The following STX6 variants were observed in gnomAD, a reference collection of about 807,000 sequenced individuals.
The protein encoded by STX6 is syntaxin 6, also known as syntaxin-6.
Under a neutral mutation model 38.0 loss-of-function variants are expected in STX6, and 23 were observed. The observed-to-expected ratio is 0.60, with a 90% CI of 0.43 to 0.86. The LOEUF is 0.86. STX6 is among the 40% of genes least tolerant of loss of function. The pLI, the probability that STX6 is intolerant of heterozygous loss-of-function variation, is 0.00. For synonymous variants in STX6, 123 were observed against 107.5 expected (o/e 1.14, Z -0.89); for missense variants, 274 against 312.9 (o/e 0.88, Z 0.94).
chr1:181,015,576 G>A (rs1248102664), intron 1 of STX6, among the ~76,000 whole-genome samples: 1 of 151,610 alleles, frequency 6.6e-6, no homozygotes, highest in Admixed American at 6.6e-5. Flanking sequence ...AGACATATTG[G>A]CTGCTTGCCT....
At chr1:180,990,434 A>C (rs986722014) in intron 4 of STX6, among the ~76,000 whole-genome samples, 1 of 152,162 alleles carries the variant, frequency 6.6e-6, no homozygotes, top group African/African-American at 2.4e-5. Context: ...CTTGTAAAAG[A>C]GCTCTTCCTG....
chr1:181,020,874 A>G (rs1656706040), intron 1 of STX6, among the ~76,000 whole-genome samples: 1 of 152,222 alleles, frequency 6.6e-6, no homozygotes, highest in African/African-American at 2.4e-5. Flanking sequence ...TGTGTAATGC[A>G]TTTTTGATAC....
At chr1:181,007,603 C>A (rs1212316646) in intron 1 of STX6, among the ~76,000 whole-genome samples, 1 of 152,120 alleles carries the variant, frequency 6.6e-6, no homozygotes, top group Non-Finnish European at 1.5e-5. Flanking sequence ...AACCAAGAAG[C>A]CTTGGGCTAG....
At chr1:181,015,862 T>C (rs754931045) in intron 1 of STX6, among the ~76,000 whole-genome samples, 2 of 152,194 alleles carry the variant, frequency 1.3e-5, no homozygotes, top group South Asian at 2.1e-4. Context: ...GGTTTCACCA[T>C]GTTGGCCAGG....
chr1:180,984,966 G>C (rs1655528429), intron 6 of STX6, among the ~76,000 whole-genome samples, 195 bp from the exon 7 acceptor site: 1 of 152,144 alleles, frequency 6.6e-6, no homozygotes, highest in Admixed American at 6.5e-5. Context: ...ATTAAAAAAA[G>C]CCTAAATTAC....
Position 180,984,699 on chromosome 1 carries a change from T to C in STX6, c.669A>G (p.Ala223=). 6.4e-7 allele frequency: 1 copy of C among 1,571,794 alleles called. No individual in the cohort carries two copies. Among genetic ancestry groups the C allele is most frequent in the Non-Finnish European group, 8.8e-7 (1 of 1,141,912 alleles). Residue 223 remains alanine (A), a synonymous_variant, in exon 7 of 8, where the codon GCA becomes GCG. Transcript: ENST00000258301. ...SRLDNVMKKL[A]KVSHMTSDRR... is the part of the protein sequence containing the mutation. Reference sequence around the variant, plus strand: ...TACCACTGGTCATATGAGATACTTTTGCAAGTTTCTTCATCACATTGTCCA... The same window carrying C: ...TACCACTGGTCATATGAGATACTTTCGCAAGTTTCTTCATCACATTGTCCA...
intron 1 of STX6, among the ~76,000 whole-genome samples, chr1:181,018,091 C>T (rs999248263): frequency 2.1e-4 from 32 of 152,020 alleles, no homozygotes; most frequent in Admixed American, 5.2e-4. Context: ...CAGATGAAAA[C>T]GTCATAAAAC....
In STX6 at chr1:180,990,080, G is replaced by A. The variant is rs774925911; in HGVS notation, c.393C>T (p.Asn131=). 1 of 1,614,034 alleles carries A rather than the reference G, an allele frequency of 6.2e-7. No individual in the cohort carries two copies. Among genetic ancestry groups the A allele is most frequent in the African/African-American group, 1.3e-5 (1 of 74,920 alleles). The change falls in exon 5 of 8, where the codon AAC becomes AAT. Residue 131 remains asparagine, a synonymous_variant. Coordinates refer to ENST00000258301, the MANE Select transcript of STX6 (RefSeq NM_005819.6). ...ATTTATCTGTTGTTCCAGTGCTCCA[G>A]TTCTGGCTGCCACTGTCTCCCAGCA... ...QALLGDSGSQ[N]WSTGTTDKYG... is the part of the protein sequence containing the mutation.
chr1:181,021,635 A>T (rs1301100537), intron 1 of STX6, among the ~76,000 whole-genome samples: 2 of 152,256 alleles, frequency 1.3e-5, no homozygotes, highest in African/African-American at 4.8e-5. Context: ...TTGACATTTA[A>T]AACAGAAAAC....
intron 1 of STX6, among the ~76,000 whole-genome samples, chr1:181,013,286 CAAAT>C (rs1357104981): frequency 8.5e-5 from 13 of 152,122 alleles, no homozygotes; most frequent in Admixed American, 8.5e-4. Flanking sequence ...GTTGTACCAA[CAAAT>C]TGCGTAAGTG....
rs148384279 is a variant in STX6, at chr1:180,991,946, A to T, written c.363+1417T>A. Among the ~76,000 whole-genome samples, 3 of 147,804 alleles carry T rather than the reference A, an allele frequency of 2.0e-5. No individual in the cohort carries two copies. The East Asian group carries it at 5.9e-4, about 29-fold the overall frequency. ...ATATAAAATATATTTAAATTTATAT[A>T]TATATATTTATAAATATATAAATAT... On this transcript the variant is annotated intron_variant, in intron 4 of 7. Transcript: ENST00000258301.
chr1:181,006,115 C>T (rs1295518033), intron 1 of STX6, among the ~76,000 whole-genome samples: 10 of 151,956 alleles, frequency 6.6e-5, no homozygotes, highest in South Asian at 2.1e-4. Flanking sequence ...CAGGCTGGAG[C>T]GAAATGGTGC....
chr1:180,976,246 G>A lies in STX6; in HGVS notation c.*324C>T. On this transcript the variant is annotated 3_prime_UTR_variant, in exon 8 of 8. Coordinates refer to ENST00000258301, the MANE Select transcript of STX6 (RefSeq NM_005819.6). ...TGGAATGAGCAACAGCAAAACACCA[G>A]TGGAGTCTGTAAGTCCCTCCTCAGC... 3.1e-6 allele frequency: 1 copy of A among 324,332 alleles called. No individual in the cohort carries two copies. Among genetic ancestry groups the A allele is most frequent in the Non-Finnish European group, 6.0e-6 (1 of 166,590 alleles). 20.1% of individuals were successfully genotyped at this position (324,332 alleles called of 1,614,324 possible). A position where few individuals can be genotyped will look rare whatever the true frequency, so the allele number is the denominator to read the frequency against.
At chr1:181,006,079 T>C (rs929818451) in intron 1 of STX6, among the ~76,000 whole-genome samples, 3 of 152,160 alleles carry the variant, frequency 2.0e-5, no homozygotes, top group Admixed American at 6.5e-5. Flanking sequence ...TGTTTTGTTT[T>C]TGAGAGGGAG....
At chr1:181,014,507 C>T (rs1381667763) in intron 1 of STX6, among the ~76,000 whole-genome samples, 1 of 152,172 alleles carries the variant, frequency 6.6e-6, no homozygotes, top group East Asian at 1.9e-4. Flanking sequence ...TGGGACAGCA[C>T]CTACTCTGCA....
At chr1:181,008,150 T>C (rs1656281788) in intron 1 of STX6, among the ~76,000 whole-genome samples, 1 of 152,246 alleles carries the variant, frequency 6.6e-6, no homozygotes, top group South Asian at 2.1e-4. Flanking sequence ...ATCCTAAAAC[T>C]GTATTAAAGA....
chr1:180,994,806 T>C (rs143333101), intron 3 of STX6, among the ~76,000 whole-genome samples: 2 of 152,234 alleles, frequency 1.3e-5, no homozygotes, highest in Non-Finnish European at 2.9e-5. Context: ...TATTTCAAAA[T>C]AGCAAGAAGA....
At chr1:180,986,101 T>C (rs1558088501) in intron 6 of STX6, among the ~76,000 whole-genome samples, 1 of 152,264 alleles carries the variant, frequency 6.6e-6, no homozygotes, top group African/African-American at 2.4e-5. Flanking sequence ...GCGCTAGGTA[T>C]GACTTTTCAT....
At chr1:181,007,587 G>T (rs1451693201) in intron 1 of STX6, among the ~76,000 whole-genome samples, 2 of 152,136 alleles carry the variant, frequency 1.3e-5, no homozygotes, top group Non-Finnish European at 2.9e-5. Context: ...AGAACTAGAA[G>T]CCTCAAACCA....
Sources: allele counts gnomAD v4.1 joint callset (sites outside exome capture counted in the v4.1 genomes callset), GRCh38; gene constraint gnomAD v4.1.1; transcripts MANE v1.5; gene names NCBI Gene and HGNC (gene_info 2026-07-23, HGNC 2026-07-21).